The following HECTD4 variants were observed in gnomAD, a reference collection of about 807,000 sequenced individuals.
HECTD4 encodes HECT domain E3 ubiquitin protein ligase 4, also known as probable E3 ubiquitin-protein ligase HECTD4.
In HECTD4, 114 loss-of-function variants were observed where a neutral mutation model predicts 471.5. The observed-to-expected ratio is 0.24, with a 90% CI of 0.21 to 0.28. HECTD4 has a LOEUF of 0.28. Ranked by LOEUF, HECTD4 falls within the 10% of genes least tolerant of loss-of-function variation. The pLI, the probability that HECTD4 is intolerant of heterozygous loss-of-function variation, is 1.00. For synonymous variants in HECTD4, 2,012 were observed against 2,256.0 expected, an observed-to-expected ratio of 0.89 and a Z score of 3.07; for missense variants, 3,866 against 5,651.5, an observed-to-expected ratio of 0.68 and a Z score of 10.13.
chr12:112,320,698 C>CT (rs2035568145), intron 1 of HECTD4, among the ~76,000 whole-genome samples: 1 of 149,126 alleles, frequency 6.7e-6, no homozygotes. Context: ...GAGACTCTGT[C>CT]TTAAAAAAAA....
rs536392133 is a variant in HECTD4 at position 112,302,262 on chromosome 12, G to A, written c.1335+3802C>T. 818 of 1,067,476 alleles carry A rather than the reference G, an allele frequency of 7.7e-4. 2 individuals are homozygous for A. The highest frequency in any genetic ancestry group is 1.1e-3 in the Non-Finnish European group (742 of 700,980). The allele number at this position is 1,067,476 out of a possible 1,614,324, so 66.1% of individuals were successfully genotyped here. On this transcript the variant is annotated intron_variant, in intron 7 of 75. Coordinates refer to ENST00000682272, the MANE Select transcript of HECTD4 (RefSeq NM_001388303.1). ...GTGGTGATGGTGTTAACTCCTGCTC[G>A]AAGGGCAGGTGGTCTCTTAGTGGGG... is the stretch of plus-strand genomic sequence containing the variant.
chr12:112,191,922 C>T (rs2137038475), intron 59 of HECTD4, among the ~76,000 whole-genome samples: 1 of 152,290 alleles, frequency 6.6e-6, no homozygotes, highest in Middle Eastern at 3.4e-3. Flanking sequence ...TCAGTCTTTT[C>T]CTGTCAAGCA....
chr12:112,289,777 A>G (rs1160302709), intron 7 of HECTD4, among the ~76,000 whole-genome samples: 2 of 152,098 alleles, frequency 1.3e-5, no homozygotes, highest in Non-Finnish European at 2.9e-5. Flanking sequence ...CCCGGGCTCA[A>G]GCAATTCTCC....
At chr12:112,277,198 A>T (rs1021146853) in intron 9 of HECTD4, among the ~76,000 whole-genome samples, 2 of 152,250 alleles carry the variant, frequency 1.3e-5, no homozygotes, top group African/African-American at 4.8e-5. Flanking sequence ...TCAACTTATG[A>T]ATGGATAAAC....
chr12:112,343,762 G>A (rs1172363558), intron 1 of HECTD4, among the ~76,000 whole-genome samples: 1 of 151,638 alleles, frequency 6.6e-6, no homozygotes, highest in African/African-American at 2.4e-5. Context: ...CAGACAGAGA[G>A]ACCCCATCTC....
At chr12:112,191,228 G>GAC (rs2137037579) in intron 59 of HECTD4, among the ~76,000 whole-genome samples, 1 of 152,316 alleles carries the variant, frequency 6.6e-6, no homozygotes, top group East Asian at 1.9e-4. Flanking sequence ...GAGAACAGAG[G>GAC]ACACACACTT....
In HECTD4 at chr12:112,163,224, T is replaced by C; in HGVS notation, c.12938A>G (p.Gln4313Arg). The change falls in exon 75 of 76, where the codon CAG becomes CGG. Residue 4313 changes from glutamine (Q) to arginine (R), a missense_variant. Gln to Arg is a conservative substitution (Grantham distance 43). Around this residue, in one of 16 missense-constraint regions of HECTD4, gnomAD observed 715 missense variants for 1,087.6 expected, o/e 0.66. Coordinates refer to ENST00000682272, the MANE Select transcript of HECTD4 (RefSeq NM_001388303.1). This position sits in a 1 kb window ranked among gnomAD's most constrained non-coding sequence, Gnocchi z 8.2. Reference sequence around the variant, plus strand: ...GGCCCCCCAGAAGAACTCGATGTGCTGGTCCGTCTCCATCAGCCCCACTTG... The same window carrying C: ...GGCCCCCCAGAAGAACTCGATGTGCCGGTCCGTCTCCATCAGCCCCACTTG... ...MYQVGLMETD[Q>R]HIEFFWGALE... The C allele has an allele frequency of 6.2e-7, 1 of 1,613,960 alleles. No individual in the cohort carries two copies. Among genetic ancestry groups the C allele is most frequent in the Non-Finnish European group, 8.5e-7 (1 of 1,179,852 alleles).
At chr12:112,335,740 G>A (rs1371554637) in intron 1 of HECTD4, among the ~76,000 whole-genome samples, 1 of 152,096 alleles carries the variant, frequency 6.6e-6, no homozygotes, top group Non-Finnish European at 1.5e-5. Flanking sequence ...GATGATGGGT[G>A]CACCAAAACC....
chr12:112,240,640 G>C (rs1289156040), intron 32 of HECTD4, among the ~76,000 whole-genome samples: 1 of 151,834 alleles, frequency 6.6e-6, no homozygotes, highest in Non-Finnish European at 1.5e-5. Flanking sequence ...TAGTAGAGAT[G>C]ATGTTTCGCT....
intron 1 of HECTD4, among the ~76,000 whole-genome samples, chr12:112,343,370 C>T (rs2036086925): frequency 6.6e-6 from 1 of 152,206 alleles, no homozygotes; most frequent in African/African-American, 2.4e-5. Context: ...TGCAATTCAA[C>T]AAGCTTTATG....
intron 1 of HECTD4, among the ~76,000 whole-genome samples, chr12:112,347,362 A>T (rs2036172881): frequency 6.6e-6 from 1 of 152,098 alleles, no homozygotes; most frequent in Non-Finnish European, 1.5e-5. Context: ...TACAAAAATT[A>T]GCCGGGTGTG....
intron 55 of HECTD4, among the ~76,000 whole-genome samples, chr12:112,197,681 C>G (rs115964750): frequency 6.6e-6 from 1 of 152,318 alleles, no homozygotes; most frequent in African/African-American, 2.4e-5. Flanking sequence ...TTGATTGTAA[C>G]TCTATAAGGA....
In HECTD4 at chr12:112,163,774, G is replaced by C; in HGVS notation, c.12702-37C>G. 7.1e-7 allele frequency: 1 copy of C among 1,414,730 alleles called. No individual in the cohort carries two copies. Among genetic ancestry groups the C allele is most frequent in the Non-Finnish European group, 9.3e-7 (1 of 1,077,806 alleles). 87.6% of individuals were successfully genotyped at this position (1,414,730 alleles called of 1,614,324 possible). A position where few individuals can be genotyped will look rare whatever the true frequency, so the allele number is the denominator to read the frequency against. The stretch of plus-strand genomic sequence containing the variant: ...AGGAGCACAGGTGAGGGAGAACACC[G>C]CCGAAGAGGCTGGGTCTGGGGGCCA... On this transcript the variant is annotated intron_variant, in intron 73 of 75. Transcript: ENST00000682272. The surrounding 1 kb of genome is among the most constrained non-coding windows in gnomAD (Gnocchi z 8.2).
chr12:112,371,640 A>C (rs991880715), intron 1 of HECTD4, among the ~76,000 whole-genome samples: 6 of 151,896 alleles, frequency 4.0e-5, no homozygotes, highest in African/African-American at 1.5e-4. Context: ...TAATCCCAGC[A>C]CTTTGGGAGG....
intron 8 of HECTD4, among the ~76,000 whole-genome samples, chr12:112,279,611 C>T (rs978754953): frequency 1.3e-5 from 2 of 152,196 alleles, no homozygotes; most frequent in Non-Finnish European, 2.9e-5. Context: ...ATGGTCTGAA[C>T]ATTTCTTGAC....
chr12:112,294,423 T>C (rs2034960238), intron 7 of HECTD4, among the ~76,000 whole-genome samples: 1 of 152,244 alleles, frequency 6.6e-6, no homozygotes, highest in Non-Finnish European at 1.5e-5. Context: ...CAGCAAATCA[T>C]AGGAGGTCTA....
chr12:112,343,235 A>AC (rs2036083828), intron 1 of HECTD4, among the ~76,000 whole-genome samples: 1 of 152,216 alleles, frequency 6.6e-6, no homozygotes, highest in Non-Finnish European at 1.5e-5. Context: ...AAAAGGTTTA[A>AC]CCTGCATCCT....
chr12:112,187,269 C>A (rs1221465096), intron 60 of HECTD4, among the ~76,000 whole-genome samples: 1 of 152,360 alleles, frequency 6.6e-6, no homozygotes, highest in African/African-American at 2.4e-5. Flanking sequence ...AGCCACTGCG[C>A]CTGGCCGGCT....
chr12:112,358,028 C>A (rs1378873969), intron 1 of HECTD4, among the ~76,000 whole-genome samples: 2 of 152,080 alleles, frequency 1.3e-5, no homozygotes, highest in South Asian at 4.1e-4. Flanking sequence ...CATGGTGAAA[C>A]CCTGTCTCTA....
Sources: gnomAD v4.1 joint callset for allele counts (sites outside exome capture counted in the v4.1 genomes callset) on GRCh38, gnomAD v4.1.1 for gene constraint, gnomAD v4.1.1 regional missense constraint, Gnocchi (gnomAD v3.1) non-coding constraint, MANE v1.5 for transcripts, NCBI Gene and HGNC (gene_info 2026-07-23, HGNC 2026-07-21) for gene names.